NSMCE2: variants seen among roughly 807,000 people sequenced by gnomAD.
The protein encoded by NSMCE2 is NSE2 SUMO ligase component of SMC5/6 complex.
Under a neutral mutation model 23.8 loss-of-function variants are expected in NSMCE2, and 24 were observed. That is an observed-to-expected ratio of 1.01 (90% CI 0.73 to 1.42). The LOEUF (loss-of-function observed/expected upper bound fraction) is 1.42, where lower values mean the gene tolerates loss of function less well. Among genes scored for constraint, NSMCE2 ranks in the 40% most tolerant of loss-of-function variants. NSMCE2 has a pLI of 0.00. For missense variants in NSMCE2, 284 were observed against 296.5 expected (o/e 0.96, Z 0.31); for synonymous variants, 92 against 94.1 (o/e 0.98, Z 0.13).
At chr8:125,105,163 T>A (rs1818395422) in intron 3 of NSMCE2, among the ~76,000 whole-genome samples, 1 of 152,230 alleles carries the variant, frequency 6.6e-6, no homozygotes, top group Non-Finnish European at 1.5e-5. Flanking sequence ...ATATATTTTG[T>A]TTAGTTTTTC....
chr8:125,299,051 G>A (rs1828447960), intron 5 of NSMCE2, among the ~76,000 whole-genome samples: 4 of 152,180 alleles, frequency 2.6e-5, no homozygotes, highest in African/African-American at 9.6e-5. Flanking sequence ...AAAAAATAAT[G>A]TTCTGTTATT....
intron 7 of NSMCE2, among the ~76,000 whole-genome samples, chr8:125,363,762 A>G (rs940183467): frequency 2.0e-5 from 3 of 152,124 alleles, no homozygotes; most frequent in Admixed American, 6.6e-5. Context: ...CAGGCTGGGA[A>G]AAAAATACAG....
At chr8:125,352,877 G>A (rs1256737674) in intron 5 of NSMCE2, among the ~76,000 whole-genome samples, 2 of 152,160 alleles carry the variant, frequency 1.3e-5, no homozygotes, top group East Asian at 3.8e-4. Context: ...TTGAGAGTGA[G>A]GAAATGTTCT....
intron 5 of NSMCE2, among the ~76,000 whole-genome samples, chr8:125,203,398 T>C (rs1347954182): frequency 2.0e-5 from 3 of 152,180 alleles, no homozygotes; most frequent in Non-Finnish European, 1.5e-5. Flanking sequence ...AGGGAGAAGC[T>C]TTTACTGAGA....
At chr8:125,248,790 A>C (rs2131004417) in intron 5 of NSMCE2, among the ~76,000 whole-genome samples, 1 of 152,390 alleles carries the variant, frequency 6.6e-6, no homozygotes. Context: ...AGTCATTGGA[A>C]GTATGCAGAT....
intron 5 of NSMCE2, among the ~76,000 whole-genome samples, chr8:125,224,338 T>C (rs1337778658): frequency 6.6e-6 from 1 of 152,254 alleles, no homozygotes; most frequent in Non-Finnish European, 1.5e-5. Flanking sequence ...ATTTTTTTTA[T>C]TGCCTGTGCT....
At chr8:125,111,574 C>T (rs149449134) in intron 3 of NSMCE2, among the ~76,000 whole-genome samples, 2,172 of 152,112 alleles carry the variant, frequency 0.014, 62 homozygotes, top group African/African-American at 0.05. Context: ...CCGAGGCGGG[C>T]GGATCACTTG....
At chr8:125,207,381 T>C (rs1332896981) in intron 5 of NSMCE2, among the ~76,000 whole-genome samples, 4 of 152,168 alleles carry the variant, frequency 2.6e-5, no homozygotes, top group Non-Finnish European at 5.9e-5. Context: ...TTAGATAATA[T>C]TTTAAAAAAT....
intron 5 of NSMCE2, among the ~76,000 whole-genome samples, chr8:125,206,612 C>T (rs769682099): frequency 1.3e-5 from 2 of 152,104 alleles, no homozygotes; most frequent in Non-Finnish European, 2.9e-5. Flanking sequence ...TGAAGTTGGC[C>T]ATGAAGTTTC....
intron 5 of NSMCE2, among the ~76,000 whole-genome samples, chr8:125,316,938 C>T (rs1586759387): frequency 6.6e-6 from 1 of 151,788 alleles, no homozygotes; most frequent in African/African-American, 2.4e-5. Flanking sequence ...GCCACCACAC[C>T]CAGCTGATTT....
At chr8:125,362,405 A>G (rs1050366669) in intron 7 of NSMCE2, among the ~76,000 whole-genome samples, 1 of 152,226 alleles carries the variant, frequency 6.6e-6, no homozygotes, top group Non-Finnish European at 1.5e-5. Context: ...CATGCTGGAC[A>G]AAATGTCGTT....
intron 5 of NSMCE2, 120 bp from the exon 6 acceptor site, chr8:125,357,099 C>T (rs1406841603): frequency 2.0e-5 from 13 of 655,616 alleles, no homozygotes; most frequent in Non-Finnish European, 3.3e-5. Flanking sequence ...TGCATCCAGT[C>T]CTTACATGGG....
At chr8:125,322,691 C>T (rs1829503436) in intron 5 of NSMCE2, among the ~76,000 whole-genome samples, 1 of 152,164 alleles carries the variant, frequency 6.6e-6, no homozygotes, top group South Asian at 2.1e-4. Flanking sequence ...ATAACATGAT[C>T]ATCTGTGCTG....
intron 5 of NSMCE2, among the ~76,000 whole-genome samples, chr8:125,336,180 A>T (rs532524591): frequency 6.6e-6 from 1 of 152,212 alleles, no homozygotes; most frequent in Admixed American, 6.5e-5. Flanking sequence ...CACCTCTAGT[A>T]TCATGGAATC....
intron 3 of NSMCE2, among the ~76,000 whole-genome samples, chr8:125,112,739 G>A (rs1474367595): frequency 6.6e-6 from 1 of 152,130 alleles, no homozygotes; most frequent in Non-Finnish European, 1.5e-5. Flanking sequence ...AGGGATTGGG[G>A]AAGGGAAGGG....
intron 3 of NSMCE2, among the ~76,000 whole-genome samples, chr8:125,147,993 C>G (rs369124390): frequency 2.2e-4 from 33 of 152,164 alleles, no homozygotes; most frequent in African/African-American, 7.7e-4. Context: ...CAGCCCCCTG[C>G]TACAGCTGAC....
chr8:125,163,725 C>G (rs1240943968), intron 4 of NSMCE2, among the ~76,000 whole-genome samples: 1 of 152,176 alleles, frequency 6.6e-6, no homozygotes, highest in Admixed American at 6.5e-5. Context: ...CTTCCTGATT[C>G]TACCAACAAG....
intron 5 of NSMCE2, among the ~76,000 whole-genome samples, chr8:125,200,430 T>C (rs571056835): frequency 1.3e-3 from 191 of 152,348 alleles, no homozygotes; most frequent in Non-Finnish European, 1.6e-3. Flanking sequence ...CCTTCACTTA[T>C]GAAGCTTAGT....
chr8:125,362,344 C>A (rs901697614), intron 7 of NSMCE2, among the ~76,000 whole-genome samples: 1 of 152,204 alleles, frequency 6.6e-6, no homozygotes, highest in Non-Finnish European at 1.5e-5. Flanking sequence ...AAGGTCCTTC[C>A]CAGTTCCAGC....
Sources: allele counts gnomAD v4.1 joint callset (sites outside exome capture counted in the v4.1 genomes callset), GRCh38; gene constraint gnomAD v4.1.1; transcripts MANE v1.5; gene names NCBI Gene and HGNC (gene_info 2026-07-23, HGNC 2026-07-21).